The following SPATA16 variants were observed in gnomAD, a reference collection of about 807,000 sequenced individuals.
SPATA16 encodes the protein spermatogenesis-associated protein 16.
In SPATA16, 36 loss-of-function variants were observed where a neutral mutation model predicts 63.3. The ratio of observed to expected loss-of-function variants is 0.57; its 90% CI spans 0.44 to 0.75. The LOEUF (loss-of-function observed/expected upper bound fraction) is 0.75, where lower values mean the gene tolerates loss of function less well. Ranked by LOEUF, SPATA16 falls within the 30% of genes least tolerant of loss-of-function variation. The pLI, the probability that SPATA16 is intolerant of heterozygous loss-of-function variation, is 0.00. For synonymous variants in SPATA16, 203 were observed against 216.7 expected (o/e 0.94, Z 0.56); for missense variants, 646 against 679.3 (o/e 0.95, Z 0.54).
rs373336427 is a variant in SPATA16, at chr3:172,924,279, C to T, written c.1267G>A (p.Val423Met). Residue 423 changes from valine (V) to methionine (M), a missense_variant, in exon 8 of 11, where the codon GTG becomes ATG. Physicochemically the swap from Val to Met is conservative, Grantham distance 21. Transcript: ENST00000351008. ...TPFGLTREDT[V>M]RQMETMGKRI... Reference sequence around the variant, plus strand: ...TTCCCCATTGTCTCCATTTGCCTCACTGTATCTTCTCTGGTCAGACCGAAA... The same window carrying T: ...TTCCCCATTGTCTCCATTTGCCTCATTGTATCTTCTCTGGTCAGACCGAAA... The T allele has an allele frequency of 2.7e-5, 43 of 1,613,436 alleles. 2 individuals carry two copies. Among genetic ancestry groups the T allele is most frequent in the South Asian group, 8.8e-5 (8 of 91,080 alleles).
At chr3:172,984,542 C>T (rs1734397963) in intron 4 of SPATA16, among the ~76,000 whole-genome samples, 1 of 152,116 alleles carries the variant, frequency 6.6e-6, no homozygotes, top group African/African-American at 2.4e-5. Context: ...GTTTTTCGGT[C>T]TCTGGACTTT....
intron 2 of SPATA16, among the ~76,000 whole-genome samples, chr3:173,058,354 C>T (rs1231383127): frequency 1.3e-5 from 2 of 152,074 alleles, no homozygotes; most frequent in African/African-American, 2.4e-5. Context: ...CGTGTGTATA[C>T]ATCTTGCCCA....
At chr3:172,915,706 A>G (rs1264763372) in intron 9 of SPATA16, among the ~76,000 whole-genome samples, 1 of 152,156 alleles carries the variant, frequency 6.6e-6, no homozygotes, top group African/African-American at 2.4e-5. Context: ...CCCTTCAACT[A>G]GTTTTTGCCT....
intron 10 of SPATA16, among the ~76,000 whole-genome samples, chr3:172,902,981 A>C (rs1732153422): frequency 6.6e-6 from 1 of 152,230 alleles, no homozygotes; most frequent in South Asian, 2.1e-4. Flanking sequence ...AATACACTAC[A>C]AATGACTGAA....
chr3:173,090,663 AT>A (rs1341440799), intron 2 of SPATA16, among the ~76,000 whole-genome samples: 1 of 152,182 alleles, frequency 6.6e-6, no homozygotes, highest in Non-Finnish European at 1.5e-5. Flanking sequence ...CTTCCACTGA[AT>A]TGCGGTAGCA....
chr3:173,033,332 G>A (rs1735646059), intron 3 of SPATA16, among the ~76,000 whole-genome samples: 1 of 152,096 alleles, frequency 6.6e-6, no homozygotes, highest in Non-Finnish European at 1.5e-5. Context: ...TCCCGAGTCT[G>A]TCTGGTAAAA....
intron 4 of SPATA16, among the ~76,000 whole-genome samples, chr3:172,992,459 A>G (rs1734599786): frequency 6.6e-6 from 1 of 151,982 alleles, no homozygotes; most frequent in African/African-American, 2.4e-5. Flanking sequence ...CAAAATTCCA[A>G]ATTTTATGAG....
chr3:172,953,004 G>A (rs1346986418), intron 6 of SPATA16, among the ~76,000 whole-genome samples: 1 of 149,546 alleles, frequency 6.7e-6, no homozygotes, highest in African/African-American at 2.5e-5. Context: ...GCCATATTAA[G>A]TGACAACAAC....
intron 5 of SPATA16, among the ~76,000 whole-genome samples, chr3:172,976,422 C>T (rs1030380085): frequency 3.9e-5 from 6 of 151,938 alleles, no homozygotes; most frequent in Admixed American, 1.3e-4. Flanking sequence ...TCTTCTTATA[C>T]GTTTAAGAAA....
chr3:173,048,948 C>A lies in SPATA16; in HGVS notation c.758+1G>T. The A allele has an allele frequency of 6.2e-7, 1 of 1,613,626 alleles. No individual in the cohort carries two copies. The highest frequency in any genetic ancestry group is 8.5e-7 in the Non-Finnish European group (1 of 1,179,614). On this transcript the variant is annotated splice_donor_variant, in intron 3 of 10. Transcript: ENST00000351008. LOFTEE classifies it high-confidence loss of function. ...TTGCACTTATTAGTATATGATTTTA[C>A]CTGTGTGCATGATTCAGGGCAAGAT...
At position 172,934,194 on chromosome 3, in the gene SPATA16, C is replaced by T. The variant is rs564097947; in HGVS notation, c.1082-8702G>A. On this transcript the variant is annotated intron_variant, in intron 6 of 10. Transcript: ENST00000351008. ...ATGACTTGTGGGTAGTTAATTTAAA[C>T]ATCACACAATAAAAGTCATGTGATC... Among the ~76,000 whole-genome samples, 5 of 152,228 alleles carry T rather than the reference C, an allele frequency of 3.3e-5. No homozygotes were observed. The East Asian group carries it at 7.7e-4, about 23-fold the overall frequency.
chr3:173,076,716 A>C (rs1381064420), intron 2 of SPATA16, among the ~76,000 whole-genome samples: 1 of 152,184 alleles, frequency 6.6e-6, no homozygotes, highest in East Asian at 1.9e-4. Flanking sequence ...GTTTGCTCTT[A>C]AAAATAGGAT....
chr3:173,079,109 T>C (rs1314598019), intron 2 of SPATA16, among the ~76,000 whole-genome samples: 1 of 152,060 alleles, frequency 6.6e-6, no homozygotes, highest in Non-Finnish European at 1.5e-5. Flanking sequence ...AAGGAATTTC[T>C]CTAGGTGCCC....
At chr3:172,916,971 C>G (rs1732508146) in intron 8 of SPATA16, among the ~76,000 whole-genome samples, 1 of 152,222 alleles carries the variant, frequency 6.6e-6, no homozygotes, top group African/African-American at 2.4e-5. Flanking sequence ...TACATGAAAC[C>G]TCTAAGCTCT....
intron 6 of SPATA16, among the ~76,000 whole-genome samples, chr3:172,930,622 G>A (rs1298092608): frequency 7.4e-6 from 1 of 135,842 alleles, no homozygotes; most frequent in Non-Finnish European, 1.5e-5. Context: ...GCGGTGGCGC[G>A]ATCTCAGCTC....
At chr3:173,083,413 A>G (rs1736969485) in intron 2 of SPATA16, among the ~76,000 whole-genome samples, 1 of 152,212 alleles carries the variant, frequency 6.6e-6, no homozygotes, top group African/African-American at 2.4e-5. Flanking sequence ...ATGAATGATA[A>G]TATGAAAATT....
At chr3:173,019,628 A>G (rs944645515) in intron 3 of SPATA16, 53 bp from the exon 4 acceptor site, 2 of 1,490,622 alleles carry the variant, frequency 1.3e-6, no homozygotes, top group Non-Finnish European at 1.9e-6. Flanking sequence ...AAAGACAATT[A>G]CCACAAGTGC....
intron 6 of SPATA16, among the ~76,000 whole-genome samples, chr3:172,947,898 A>G (rs1351830137): frequency 6.6e-6 from 1 of 152,176 alleles, no homozygotes; most frequent in African/African-American, 2.4e-5. Flanking sequence ...ATACGTATGT[A>G]ACAAACCTGT....
chr3:172,960,051 A>T (rs1246752446), intron 5 of SPATA16, among the ~76,000 whole-genome samples: 1 of 151,914 alleles, frequency 6.6e-6, no homozygotes, highest in Non-Finnish European at 1.5e-5. Context: ...GACTTTAAAA[A>T]CTAGAATGAT....
Sources: gnomAD v4.1 joint callset for allele counts (sites outside exome capture counted in the v4.1 genomes callset) on GRCh38, gnomAD v4.1.1 for gene constraint, MANE v1.5 for transcripts, NCBI Gene and HGNC (gene_info 2026-07-23, HGNC 2026-07-21) for gene names.